Variants in PXN observed in about 807,000 individuals in gnomAD.
The protein encoded by PXN is testicular tissue protein Li 134.
A neutral mutation model predicts 103.6 loss-of-function variants in PXN; 61 were observed. The observed-to-expected ratio is 0.59, with a 90% confidence interval of 0.48 to 0.73. The LOEUF (loss-of-function observed/expected upper bound fraction) is 0.73. PXN is among the 30% of genes least tolerant of loss of function. The pLI is 0.00. For missense variants in PXN, 1,274 were observed against 1,460.3 expected (o/e 0.87, Z 2.08); for synonymous variants, 562 against 607.8 (o/e 0.92, Z 1.11).
chr12:120,230,159 T>C (rs1291855852), intron 1 of PXN, among the ~76,000 whole-genome samples: 2 of 152,184 alleles, frequency 1.3e-5, no homozygotes, highest in African/African-American at 2.4e-5. Flanking sequence ...CCTTAGGAGC[T>C]GACAAGCCAA....
Position 120,212,833 on chromosome 12 carries a change from G to A in PXN, c.2980-253C>T, listed in dbSNP as rs191143324. ...TGGCCTCCTGCAATCCTCCCACCTC[G>A]GCCTCCCACAGGGCTGGGATTATTT... On this transcript the variant is annotated intron_variant, in intron 14 of 14. Coordinates refer to ENST00000637617, the MANE Select transcript of PXN (RefSeq NM_001385981.1). This position sits in a 1 kb window ranked among gnomAD's most constrained non-coding sequence, Gnocchi z 7.2. The A allele has an allele frequency of 9.9e-4, 393 of 398,064 alleles. 3 individuals are homozygous for A. The highest frequency in any genetic ancestry group is 7.5e-3 in the African/African-American group (363 of 48,588). 24.7% of individuals were successfully genotyped at this position (398,064 alleles called of 1,614,324 possible). A position where few individuals can be genotyped will look rare whatever the true frequency, so the allele number is the denominator to read the frequency against.
At chr12:120,262,605 C>T in intron 1 of PXN, among the ~76,000 whole-genome samples, 1 of 152,144 alleles carries the variant, frequency 6.6e-6, no homozygotes, top group East Asian at 1.9e-4. Flanking sequence ...TCGTAAAGTG[C>T]TGAGTACAGT....
Position 120,216,603 on chromosome 12 carries a change from G to C in PXN, c.1993-22C>G, listed in dbSNP as rs1883100782. The C allele has an allele frequency of 2.0e-6, 3 of 1,481,702 alleles. No individual in the cohort carries two copies. The highest frequency in any genetic ancestry group is 2.7e-6 in the Non-Finnish European group (3 of 1,130,288). 91.8% of individuals were successfully genotyped at this position (1,481,702 alleles called of 1,614,324 possible). A position where few individuals can be genotyped will look rare whatever the true frequency, so the allele number is the denominator to read the frequency against. On this transcript the variant is annotated intron_variant, in intron 8 of 14. Coordinates refer to ENST00000637617, the MANE Select transcript of PXN (RefSeq NM_001385981.1). This position sits in a 1 kb window ranked among gnomAD's most constrained non-coding sequence, Gnocchi z 5.1. ...CAACCTGGGGAGAAGAAAGGAGGGAGAGCGATGAGGAAGAAATCGCCAGCT... is the reference window on the plus strand; with the variant it reads ...CAACCTGGGGAGAAGAAAGGAGGGACAGCGATGAGGAAGAAATCGCCAGCT...
rs867095218 is a variant in PXN at position 120,215,254 on chromosome 12, G to C, written c.2423C>G (p.Thr808Arg). 2 of 1,587,544 alleles carry C rather than the reference G, an allele frequency of 1.3e-6. No individual in the cohort carries two copies. The highest frequency in any genetic ancestry group is 1.3e-5 in the African/African-American group (1 of 74,292). The stretch of plus-strand genomic sequence containing the variant: ...CCCCCCAGGGGGTGAGCTGCTCCCT[G>C]TCTTCCCCTGGGCCATGAACTGTGG... ...DEGGFMAQGK[T>R]GSSSPPGGPP... Residue 808 changes from threonine to arginine, a missense_variant, in exon 11 of 15, where the codon ACA (threonine) becomes AGA (arginine). Coordinates refer to ENST00000637617, the MANE Select transcript of PXN (RefSeq NM_001385981.1). The surrounding 1 kb of genome is among the most constrained non-coding windows in gnomAD (Gnocchi z 4.9).
intron 1 of PXN, among the ~76,000 whole-genome samples, chr12:120,237,983 A>C (rs563409741): frequency 6.6e-6 from 1 of 152,264 alleles, no homozygotes; most frequent in African/African-American, 2.4e-5. Context: ...CTGAGCTACA[A>C]AGGAGGAATG....
At chr12:120,247,710 G>A (rs190593715) in intron 1 of PXN, 1 of 154,034 alleles carries the variant, frequency 6.5e-6, no homozygotes, top group East Asian at 1.9e-4. Flanking sequence ...TCACTGACCT[G>A]GATGGTCCTC....
rs751985160 is a variant in PXN at position 120,215,908 on chromosome 12, G to C, written c.2302-247C>G. 4.3e-6 allele frequency: 6 copies of C among 1,393,498 alleles called. No individual in the cohort carries two copies. In the South Asian group the frequency reaches 6.8e-5, roughly 16 times the overall value. 86.3% of individuals were successfully genotyped at this position (1,393,498 alleles called of 1,614,324 possible). The stretch of plus-strand genomic sequence containing the variant: ...GAGGAAATGGCAAGGGGAGGTGGCC[G>C]GGCTCAGTGATGAGGCCTCACCGGG... On this transcript the variant is annotated intron_variant, in intron 9 of 14. Coordinates refer to ENST00000637617, the MANE Select transcript of PXN (RefSeq NM_001385981.1). This position sits in a 1 kb window ranked among gnomAD's most constrained non-coding sequence, Gnocchi z 4.9.
In PXN at chr12:120,216,084, G is replaced by A. The variant is rs1366278854; in HGVS notation, c.2301+189C>T. 18 of 1,299,462 alleles carry A rather than the reference G, an allele frequency of 1.4e-5. No homozygotes were observed. The highest frequency in any genetic ancestry group is 4.5e-5 in the African/African-American group (3 of 65,956). 80.5% of individuals were successfully genotyped at this position (1,299,462 alleles called of 1,614,324 possible). ...ACCCACAGAAAAGCAAGAGGGCAGC[G>A]GACCTTCTGAGTGGGGGAAGACCGG... On this transcript the variant is annotated intron_variant, in intron 9 of 14. Coordinates refer to ENST00000637617, the MANE Select transcript of PXN (RefSeq NM_001385981.1). This position sits in a 1 kb window ranked among gnomAD's most constrained non-coding sequence, Gnocchi z 5.1.
chr12:120,265,555 C>A lies in PXN; in HGVS notation c.13+62G>T. On this transcript the variant is annotated intron_variant, in intron 1 of 14. Coordinates refer to ENST00000637617, the MANE Select transcript of PXN (RefSeq NM_001385981.1). The surrounding 1 kb of genome is among the most constrained non-coding windows in gnomAD (Gnocchi z 5.7). ...CCGCGGCCCCTGCCGCTCGCTGGCG[C>A]CCTCCTGGCCCCAAGCTGCGCGCCT... 6.8e-7 allele frequency: 1 copy of A among 1,465,960 alleles called. No homozygotes were observed. The highest frequency in any genetic ancestry group is 9.0e-7 in the Non-Finnish European group (1 of 1,114,394). The allele number at this position is 1,465,960 out of a possible 1,614,324, so 90.8% of individuals were successfully genotyped here.
intron 1 of PXN, among the ~76,000 whole-genome samples, chr12:120,260,010 C>A (rs531642968): frequency 3.7e-4 from 56 of 152,332 alleles, no homozygotes; most frequent in Middle Eastern, 3.4e-3. Flanking sequence ...AGGAAGGCTT[C>A]TGATTCCTGA....
Position 120,265,515 on chromosome 12 carries a change from G to C in PXN, c.13+102C>G. 7.5e-7 allele frequency: 1 copy of C among 1,331,498 alleles called. No individual in the cohort carries two copies. Among genetic ancestry groups the C allele is most frequent in the Non-Finnish European group, 9.8e-7 (1 of 1,023,916 alleles). The allele number at this position is 1,331,498 out of a possible 1,614,324, so 82.5% of individuals were successfully genotyped here. A position where few individuals can be genotyped will look rare whatever the true frequency, so the allele number is the denominator to read the frequency against. ...AGGGACAGGAGCTGAGGCCGGGGCC[G>C]CCGAGGGTGGGATCCCGCGGCCCCT... On this transcript the variant is annotated intron_variant, in intron 1 of 14. Coordinates refer to ENST00000637617, the MANE Select transcript of PXN (RefSeq NM_001385981.1). This position sits in a 1 kb window ranked among gnomAD's most constrained non-coding sequence, Gnocchi z 5.7.
rs567570253 is a variant in PXN at position 120,215,157 on chromosome 12, G to A, written c.2520C>T (p.Val840=). 7.7e-5 allele frequency: 121 copies of A among 1,571,704 alleles called. 3 individuals carry two copies. In the Admixed American group the frequency reaches 1.4e-3, roughly 18 times the overall value. ...SLQSDLNKLG[V]ATVAKGVCGA... is the part of the protein sequence containing the mutation. ...CGCAGACTCCTTTGGCGACTGTGGC[G>A]ACCCCCAGCTTGTTCAGGTCAGACT... is the stretch of plus-strand genomic sequence containing the variant. The change falls in exon 11 of 15, where the codon GTC becomes GTT. Residue 840 remains valine, a synonymous_variant. Coordinates refer to ENST00000637617, the MANE Select transcript of PXN (RefSeq NM_001385981.1). This position sits in a 1 kb window ranked among gnomAD's most constrained non-coding sequence, Gnocchi z 4.9.
At position 120,219,049 on chromosome 12, in the gene PXN, C is replaced by T. The variant is rs1884180986; in HGVS notation, c.1716+158G>A. Among the ~76,000 whole-genome samples the T allele has an allele frequency of 1.3e-5, 2 of 152,268 alleles. No individual in the cohort carries two copies. Among genetic ancestry groups the T allele is most frequent in the African/African-American group, 4.8e-5 (2 of 41,472 alleles). ...AGAAATGCTGGGTCCACAGAGCCCACTGCCAAGTGCTGACTGTCAGGTCCG... is the reference window on the plus strand; with the variant it reads ...AGAAATGCTGGGTCCACAGAGCCCATTGCCAAGTGCTGACTGTCAGGTCCG... On this transcript the variant is annotated intron_variant, in intron 7 of 14. Coordinates refer to ENST00000637617, the MANE Select transcript of PXN (RefSeq NM_001385981.1). The surrounding 1 kb of genome is among the most constrained non-coding windows in gnomAD (Gnocchi z 6.5).
chr12:120,218,039 G>A (rs1325257390), intron 7 of PXN, among the ~76,000 whole-genome samples: 2 of 149,670 alleles, frequency 1.3e-5, no homozygotes, highest in Non-Finnish European at 3.0e-5. Context: ...TAAAGCTTGG[G>A]GGATTTTTTT....
At position 120,217,112 on chromosome 12, in the gene PXN, C is replaced by G. The variant is rs552932668; in HGVS notation, c.1721G>C (p.Arg574Pro). The G allele has an allele frequency of 1.9e-6, 3 of 1,584,068 alleles. No individual in the cohort carries two copies. The highest frequency in any genetic ancestry group is 2.6e-6 in the Non-Finnish European group (3 of 1,173,570). ...CTCCCAGCTCCTCCTGATCACAGATCGGATCTAGGGGGAGGGGGAGGGGAG... is the reference window on the plus strand; with the variant it reads ...CTCCCAGCTCCTCCTGATCACAGATGGGATCTAGGGGGAGGGGGAGGGGAG... The part of the protein sequence containing the change: ...TERISTSGQI[R>P]SVIRRSWESG... The change falls in exon 8 of 15, where the codon CGA becomes CCA. Residue 574 changes from arginine to proline, a missense_variant. Coordinates refer to ENST00000637617, the MANE Select transcript of PXN (RefSeq NM_001385981.1). The surrounding 1 kb of genome is among the most constrained non-coding windows in gnomAD (Gnocchi z 4.1).
At chr12:120,252,569 GA>G (rs1487550193) in intron 1 of PXN, among the ~76,000 whole-genome samples, 8 of 152,142 alleles carry the variant, frequency 5.3e-5, no homozygotes, top group Non-Finnish European at 1.2e-4. Flanking sequence ...ATGTAATTCA[GA>G]GACTGCAATA....
chr12:120,226,618 T>A, intron 1 of PXN: 1 of 1,186,766 alleles, frequency 8.4e-7, no homozygotes, highest in South Asian at 1.6e-5. Context: ...TGGATTCAGG[T>A]TTACAATGTC....
rs1285850361 is a variant in PXN, at chr12:120,265,013, GTCA to G, written c.13+601_13+603del. 1.3e-5 allele frequency among the ~76,000 whole-genome samples: 2 copies of G among 151,940 alleles called. No individual in the cohort carries two copies. Among genetic ancestry groups the G allele is most frequent in the Non-Finnish European group, 2.9e-5 (2 of 67,992 alleles). On this transcript the variant is annotated intron_variant, in intron 1 of 14. Coordinates refer to ENST00000637617, the MANE Select transcript of PXN (RefSeq NM_001385981.1). The surrounding 1 kb of genome is among the most constrained non-coding windows in gnomAD (Gnocchi z 5.7). ...AACTTGTCTTTGAAATGGGGGTGTG[GTCA>G]TCACACGCTCATCTCTAGCTTTTGC...
intron 1 of PXN, among the ~76,000 whole-genome samples, chr12:120,261,279 C>T (rs1367017576): frequency 6.6e-6 from 1 of 152,194 alleles, no homozygotes; most frequent in African/African-American, 2.4e-5. Context: ...CAATCTCTGC[C>T]TCCCGGGTTC....
Sources: allele counts gnomAD v4.1 joint callset (sites outside exome capture counted in the v4.1 genomes callset), GRCh38; gene constraint gnomAD v4.1.1; non-coding constraint Gnocchi (gnomAD v3.1); transcripts MANE v1.5; gene names NCBI Gene and HGNC (gene_info 2026-07-23, HGNC 2026-07-21).